EYS: variants seen among roughly 807,000 people sequenced by gnomAD.
EYS encodes protein eyes shut homolog.
A neutral mutation model predicts 282.1 loss-of-function variants in EYS; 250 were observed. The observed-to-expected ratio is 0.89, with a 90% confidence interval of 0.80 to 0.98. EYS has a LOEUF of 0.98. EYS is among the 50% of genes least tolerant of loss of function. The probability of loss-of-function intolerance (pLI) is 0.00; values close to 1 mark genes in which losing one functional copy is unlikely to be tolerated. For synonymous variants in EYS, 1,355 were observed against 1,282.9 expected, an observed-to-expected ratio of 1.06 and a Z score of -1.20; for missense variants, 4,016 against 3,709.0, an observed-to-expected ratio of 1.08 and a Z score of -2.15.
At chr6:64,439,100 T>C (rs1003642095) in intron 27 of EYS, 62 bp downstream of exon 27, 69 of 868,618 alleles carry the variant, frequency 7.9e-5, no homozygotes, top group Non-Finnish European at 1.1e-4. Context: ...AAATAACCAA[T>C]GAAGCACATA....
At chr6:64,588,624 G>T (rs752168994) in intron 26 of EYS, among the ~76,000 whole-genome samples, 1 of 151,880 alleles carries the variant, frequency 6.6e-6, no homozygotes, top group African/African-American at 2.4e-5. Flanking sequence ...CCCAATGCTG[G>T]TTTTGCTGTT....
At chr6:64,265,224 T>C (rs948202551) in intron 30 of EYS, among the ~76,000 whole-genome samples, 1 of 152,156 alleles carries the variant, frequency 6.6e-6, no homozygotes, top group Non-Finnish European at 1.5e-5. Flanking sequence ...AATGCCAATA[T>C]GCATTTTGTA....
At chr6:64,767,788 T>G (rs536171560) in intron 22 of EYS, among the ~76,000 whole-genome samples, 2 of 152,278 alleles carry the variant, frequency 1.3e-5, no homozygotes, top group South Asian at 4.1e-4. Context: ...TTTTTCCTTT[T>G]GGTAAATGCC....
At chr6:63,768,608 A>G (rs1769855622) in intron 40 of EYS, among the ~76,000 whole-genome samples, 1 of 150,416 alleles carries the variant, frequency 6.6e-6, no homozygotes, top group Non-Finnish European at 1.5e-5. Flanking sequence ...TGAAAAGGGC[A>G]CACTTACACA....
chr6:63,902,856 A>C (rs1357264070), intron 35 of EYS, among the ~76,000 whole-genome samples: 1 of 152,204 alleles, frequency 6.6e-6, no homozygotes, highest in Non-Finnish European at 1.5e-5. Context: ...GTATATGAAT[A>C]AAGATGTAGG....
At chr6:65,065,483 C>T (rs1326190067) in intron 12 of EYS, among the ~76,000 whole-genome samples, 1 of 151,188 alleles carries the variant, frequency 6.6e-6, no homozygotes, top group South Asian at 2.1e-4. Flanking sequence ...CCCGGGTTCA[C>T]GCCATTCTCC....
intron 35 of EYS, among the ~76,000 whole-genome samples, chr6:63,955,804 G>A (rs1003567107): frequency 6.6e-6 from 1 of 152,090 alleles, no homozygotes; most frequent in Non-Finnish European, 1.5e-5. Flanking sequence ...TCTCTAATAG[G>A]ATGTCCTGGG....
intron 22 of EYS, among the ~76,000 whole-genome samples, chr6:64,774,328 A>AT (rs1773613906): frequency 6.6e-6 from 1 of 152,060 alleles, no homozygotes; most frequent in South Asian, 2.1e-4. Flanking sequence ...AAATGTTAAC[A>AT]TAAGTCCATA....
At chr6:65,475,756 G>GACAGACACACAC (rs1554200621) in intron 5 of EYS, among the ~76,000 whole-genome samples, 7 of 145,902 alleles carry the variant, frequency 4.8e-5, no homozygotes, top group African/African-American at 1.6e-4. Context: ...CAGACAGACA[G>GACAGACACACAC]ACACACACAC....
At chr6:65,073,387 AT>A (rs1773953467) in intron 12 of EYS, among the ~76,000 whole-genome samples, 1 of 151,832 alleles carries the variant, frequency 6.6e-6, no homozygotes, top group Non-Finnish European at 1.5e-5. Flanking sequence ...TGCAAGAATT[AT>A]TTCCATTAGC....
At chr6:63,920,745 A>T (rs1764546196) in intron 35 of EYS, among the ~76,000 whole-genome samples, 1 of 152,142 alleles carries the variant, frequency 6.6e-6, no homozygotes, top group Non-Finnish European at 1.5e-5. Context: ...GCACTCAAAC[A>T]TTGGGAATGT....
chr6:64,366,802 T>C (rs1356894970), intron 29 of EYS, among the ~76,000 whole-genome samples: 1 of 152,038 alleles, frequency 6.6e-6, no homozygotes, highest in Non-Finnish European at 1.5e-5. Context: ...GTGATCTGAG[T>C]AGGAAGATTT....
chr6:64,045,910 T>TGC (rs199884451), intron 33 of EYS, among the ~76,000 whole-genome samples: 2 of 147,006 alleles, frequency 1.4e-5, no homozygotes, highest in African/African-American at 5.0e-5. Flanking sequence ...TACATATATG[T>TGC]TTATTATATA....
chr6:64,045,027 A>G (rs1376600854), intron 33 of EYS, among the ~76,000 whole-genome samples: 3 of 152,138 alleles, frequency 2.0e-5, no homozygotes, highest in Non-Finnish European at 4.4e-5. Flanking sequence ...CATTGTAATC[A>G]ATCCAGTGGA....
chr6:65,210,632 A>G lies in EYS; in HGVS notation c.2023+85231T>C, dbSNP rs577499702. Among the ~76,000 whole-genome samples the G allele has an allele frequency of 7.4e-4, 112 of 152,120 alleles. 1 individual carries two copies. Among genetic ancestry groups the G allele is most frequent in the African/African-American group, 2.6e-3 (109 of 41,562 alleles). On this transcript the variant is annotated intron_variant, in intron 12 of 42. Transcript: ENST00000503581. ...ACAGCAGCGTTGTAAGTACATGGCAAAGAAAATAAATAATAGTGTATTATA... is the reference window on the plus strand; with the variant it reads ...ACAGCAGCGTTGTAAGTACATGGCAGAGAAAATAAATAATAGTGTATTATA...
chr6:64,746,061 A>G (rs1772546688), intron 22 of EYS, among the ~76,000 whole-genome samples: 1 of 152,134 alleles, frequency 6.6e-6, no homozygotes, highest in Non-Finnish European at 1.5e-5. Flanking sequence ...TATTTGAAGT[A>G]TTGCTGTGGT....
intron 5 of EYS, among the ~76,000 whole-genome samples, chr6:65,432,522 T>C (rs760656838): frequency 4.6e-5 from 7 of 151,958 alleles, no homozygotes; most frequent in Admixed American, 1.3e-4. Flanking sequence ...AATAATGTGG[T>C]AAGGAAATGC....
At chr6:64,731,488 A>G (rs1771963598) in intron 22 of EYS, among the ~76,000 whole-genome samples, 1 of 152,240 alleles carries the variant, frequency 6.6e-6, no homozygotes, top group African/African-American at 2.4e-5. Context: ...ATGCTATCAA[A>G]AAGTGGGCGA....
At chr6:65,246,124 G>T (rs181050321) in intron 12 of EYS, among the ~76,000 whole-genome samples, 131 of 152,072 alleles carry the variant, frequency 8.6e-4, no homozygotes, top group African/African-American at 2.9e-3. Flanking sequence ...GTTCCTAAAT[G>T]GTACTATGTA....
Sources: allele counts gnomAD v4.1 joint callset (sites outside exome capture counted in the v4.1 genomes callset), GRCh38; gene constraint gnomAD v4.1.1; transcripts MANE v1.5; gene names NCBI Gene and HGNC (gene_info 2026-07-23, HGNC 2026-07-21).